The following GREB1L variants were observed in gnomAD, a reference collection of about 807,000 sequenced individuals.
GREB1L encodes the protein GREB1-like protein.
GREB1L carries 17 observed loss-of-function variants against 200.8 expected under a neutral mutation model. The observed-to-expected ratio is 0.08, with a 90% confidence interval of 0.06 to 0.13. The LOEUF (loss-of-function observed/expected upper bound fraction) is 0.13. GREB1L is among the 10% of genes least tolerant of loss of function. GREB1L has a pLI of 1.00. For synonymous variants in GREB1L, 789 were observed against 893.0 expected (o/e 0.88, Z 2.08); for missense variants, 1,657 against 2,367.7 (o/e 0.70, Z 6.23).
At position 21,524,266 on chromosome 18, in the gene GREB1L, A is replaced by C. The variant is rs1003346169; in HGVS notation, c.*1445A>C. 9 of 152,218 alleles carry C rather than the reference A, an allele frequency of 5.9e-5. No individual in the cohort carries two copies. The highest frequency in any genetic ancestry group is 2.2e-4 in the African/African-American group (9 of 41,466). The allele number at this position is 152,218 out of a possible 1,614,324, so 9.4% of individuals were successfully genotyped here. ...ACCAGCTTTATTATCTTATGACAAC[A>C]AGGAGTTTACAAAGCTAGTGAAAAA... is the stretch of plus-strand genomic sequence containing the variant. On this transcript the variant is annotated 3_prime_UTR_variant, in exon 33 of 33. Transcript: ENST00000424526.
At chr18:21,268,662 A>C (rs2038030152) in intron 1 of GREB1L, among the ~76,000 whole-genome samples, 1 of 148,844 alleles carries the variant, frequency 6.7e-6, no homozygotes, top group Non-Finnish European at 1.5e-5. Flanking sequence ...CAGTGGCACA[A>C]TATTGGCTCA....
At chr18:21,281,803 T>C (rs1246056516) in intron 1 of GREB1L, among the ~76,000 whole-genome samples, 13 of 152,210 alleles carry the variant, frequency 8.5e-5, no homozygotes, top group Admixed American at 8.5e-4. Flanking sequence ...ATTGTGGTAA[T>C]GGTTGCATAA....
intron 1 of GREB1L, among the ~76,000 whole-genome samples, chr18:21,298,977 G>A (rs1160996679): frequency 6.6e-6 from 1 of 151,968 alleles, no homozygotes; most frequent in African/African-American, 2.4e-5. Context: ...AGGAAGGAAA[G>A]GCTAAAGAAT....
At chr18:21,360,287 C>T (rs1236689841) in intron 1 of GREB1L, among the ~76,000 whole-genome samples, 8 of 152,210 alleles carry the variant, frequency 5.3e-5, no homozygotes, top group African/African-American at 1.7e-4. Context: ...GACACGATCT[C>T]GGCTCCCTGC....
intron 8 of GREB1L, 114 bp downstream of exon 8, chr18:21,439,751 C>T (rs2033792354): frequency 1.4e-6 from 1 of 702,610 alleles, no homozygotes; most frequent in Admixed American, 2.3e-5. Context: ...CTCAGTTCGT[C>T]ATACAGTGTT....
chr18:21,463,630 T>C (rs914314684), intron 15 of GREB1L, among the ~76,000 whole-genome samples: 1 of 152,046 alleles, frequency 6.6e-6, no homozygotes, highest in South Asian at 2.1e-4. Flanking sequence ...CAGGTTGGAG[T>C]GCAGTGGCAT....
At chr18:21,435,747 G>A (rs2033493825) in intron 7 of GREB1L, among the ~76,000 whole-genome samples, 1 of 152,140 alleles carries the variant, frequency 6.6e-6, no homozygotes, top group African/African-American at 2.4e-5. Flanking sequence ...GTGAGTGGGT[G>A]GTGGTTAAGG....
intron 32 of GREB1L, among the ~76,000 whole-genome samples, chr18:21,522,122 T>A (rs2037613325): frequency 6.6e-6 from 1 of 151,436 alleles, no homozygotes; most frequent in Non-Finnish European, 1.5e-5. Flanking sequence ...ATAACATTAG[T>A]TATCACAGGG....
chr18:21,329,186 A>T (rs541293676), intron 1 of GREB1L, among the ~76,000 whole-genome samples: 2 of 152,012 alleles, frequency 1.3e-5, no homozygotes, highest in Non-Finnish European at 2.9e-5. Context: ...TTAGCCAGGC[A>T]TAGTGGTGTG....
chr18:21,314,300 T>C lies in GREB1L; in HGVS notation c.-119-51727T>C, dbSNP rs554222361. On this transcript the variant is annotated intron_variant, in intron 1 of 32. Coordinates refer to ENST00000424526, the MANE Select transcript of GREB1L (RefSeq NM_001142966.3). ...ATCTCAGATGTGATGGAAGATAGTT[T>C]AGGATATAGTTTAGATAGTTTAGGA... 2.6e-4 allele frequency among the ~76,000 whole-genome samples: 40 copies of C among 152,250 alleles called. No homozygotes were observed. In the East Asian group the frequency reaches 7.7e-3, roughly 29 times the overall value.
intron 1 of GREB1L, among the ~76,000 whole-genome samples, chr18:21,243,791 C>T (rs983367095): frequency 6.6e-6 from 1 of 152,050 alleles, no homozygotes; most frequent in Admixed American, 6.6e-5. Flanking sequence ...CAGTTACATG[C>T]ATATAGGTAT....
intron 1 of GREB1L, among the ~76,000 whole-genome samples, chr18:21,256,549 T>G (rs1044655742): frequency 1.3e-5 from 2 of 152,224 alleles, no homozygotes; most frequent in Non-Finnish European, 2.9e-5. Flanking sequence ...GCTCATTACC[T>G]TTTGGTACAA....
intron 1 of GREB1L, among the ~76,000 whole-genome samples, chr18:21,268,560 C>CACATATATATATATATATAT (rs1204514384): frequency 4.7e-5 from 3 of 63,532 alleles, no homozygotes; most frequent in African/African-American, 2.2e-4. Context: ...CACACACACA[C>CACATATATATATATATATAT]ATATATATAT....
rs965484613 is a variant in GREB1L, at chr18:21,444,110, A to G, written c.1208-114A>G. On this transcript the variant is annotated intron_variant, in intron 10 of 32. Coordinates refer to ENST00000424526, the MANE Select transcript of GREB1L (RefSeq NM_001142966.3). ...TGTTTGAGTGATTTGTTTGGTAGCT[A>G]TCTCAGAGGGCAGGGAATTTTGTTA... The G allele has an allele frequency of 4.0e-5, 26 of 652,466 alleles. No individual in the cohort carries two copies. In the African/African-American group the frequency reaches 4.4e-4, roughly 11 times the overall value. 40.4% of individuals were successfully genotyped at this position (652,466 alleles called of 1,614,324 possible).
At chr18:21,385,114 A>C (rs2040485096) in intron 4 of GREB1L, among the ~76,000 whole-genome samples, 2 of 152,068 alleles carry the variant, frequency 1.3e-5, no homozygotes, top group African/African-American at 4.8e-5. Context: ...TTTTCTGACC[A>C]TCCCAGCCTA....
At chr18:21,476,876 G>A (rs1598900400) in intron 16 of GREB1L, among the ~76,000 whole-genome samples, 1 of 151,996 alleles carries the variant, frequency 6.6e-6, no homozygotes, top group East Asian at 1.9e-4. Flanking sequence ...ACCATGCCTG[G>A]CCCAACTGCA....
chr18:21,422,226 G>A (rs2032215397), intron 7 of GREB1L, among the ~76,000 whole-genome samples: 1 of 152,136 alleles, frequency 6.6e-6, no homozygotes, highest in Non-Finnish European at 1.5e-5. Context: ...ACAGCCCCAT[G>A]GTTCAAATTC....
intron 1 of GREB1L, among the ~76,000 whole-genome samples, chr18:21,338,926 C>G (rs558245807): frequency 8.5e-5 from 13 of 152,228 alleles, no homozygotes; most frequent in Non-Finnish European, 1.8e-4. Flanking sequence ...CAGTGGCTTA[C>G]GCCTGTAATC....
chr18:21,330,064 C>T (rs2039085790), intron 1 of GREB1L, among the ~76,000 whole-genome samples: 1 of 151,396 alleles, frequency 6.6e-6, no homozygotes, highest in South Asian at 2.1e-4. Context: ...GAAGAAAAAC[C>T]ATAATTAAGC....
Sources: gnomAD v4.1 joint callset for allele counts (sites outside exome capture counted in the v4.1 genomes callset) on GRCh38, gnomAD v4.1.1 for gene constraint, MANE v1.5 for transcripts, NCBI Gene and HGNC (gene_info 2026-07-23, HGNC 2026-07-21) for gene names.